Variants in CHRNA2 observed in about 807,000 individuals in gnomAD.
The protein encoded by CHRNA2 is cholinergic receptor nicotinic alpha 2 subunit.
CHRNA2 carries 40 observed loss-of-function variants against 45.5 expected under a neutral mutation model. The observed-to-expected ratio is 0.88, with a 90% CI of 0.68 to 1.15. CHRNA2 has a LOEUF of 1.15. Ranked by LOEUF, CHRNA2 falls within the 50% of genes most tolerant of loss-of-function variation. The probability of loss-of-function intolerance (pLI) is 0.00; values close to 1 mark genes in which losing one functional copy is unlikely to be tolerated. For synonymous variants in CHRNA2, 301 were observed against 296.7 expected (o/e 1.01, Z -0.15); for missense variants, 655 against 701.7 (o/e 0.93, Z 0.75).
At chr8:27,462,741 G>T (rs1231306252) in intron 6 of CHRNA2, among the ~76,000 whole-genome samples, 2 of 152,172 alleles carry the variant, frequency 1.3e-5, no homozygotes, top group Non-Finnish European at 2.9e-5. Context: ...TCCCTGTTAG[G>T]CTGAGCTGCT....
At chr8:27,465,720 C>T (rs1325928615) in intron 5 of CHRNA2, among the ~76,000 whole-genome samples, 1 of 152,114 alleles carries the variant, frequency 6.6e-6, no homozygotes, top group Non-Finnish European at 1.5e-5. Context: ...TGAGCCACCG[C>T]GCCCAGGCAA....
chr8:27,463,002 G>T lies in CHRNA2; in HGVS notation c.1441C>A (p.Arg481=). Residue 481 remains arginine (R), a synonymous_variant, in exon 6 of 7, where the codon CGG becomes AGG. Transcript: ENST00000407991. This position sits in a 1 kb window ranked among gnomAD's most constrained non-coding sequence, Gnocchi z 6.1. ...EGVHYIADHL[R]SEDADSSVKE... is the part of the protein sequence containing the mutation. ...ACCGAAGAGTCAGCATCCTCAGACC[G>T]CAGGTGGTCGGCAATGTAGTGCACA... The T allele has an allele frequency of 6.2e-7, 1 of 1,614,104 alleles. No individual in the cohort carries two copies. Among genetic ancestry groups the T allele is most frequent in the South Asian group, 1.1e-5 (1 of 91,090 alleles).
At chr8:27,462,947 C>A in intron 6 of CHRNA2, 32 bp downstream of exon 6, 6 of 1,613,714 alleles carry the variant, frequency 3.7e-6, no homozygotes, top group Non-Finnish European at 5.1e-6. Flanking sequence ...GTGGGGCCAC[C>A]CAGGCTGGCG....
Position 27,465,616 on chromosome 8 carries a change from A to G in CHRNA2, c.449+1613T>C, listed in dbSNP as rs2322587. Among the ~76,000 whole-genome samples the G allele has an allele frequency of 8.3e-3, 1,266 of 152,184 alleles. 17 individuals are homozygous for G. Among genetic ancestry groups the G allele is most frequent in the African/African-American group, 0.03 (1,226 of 41,502 alleles). On this transcript the variant is annotated intron_variant, in intron 5 of 6. Coordinates refer to ENST00000407991, the MANE Select transcript of CHRNA2 (RefSeq NM_000742.4). ...CGGCTAATTTTTGTATTTTTAGTAG[A>G]GACAGGGTTTCACCATGTTGGCCAG...
chr8:27,466,842 C>A (rs1026907611), intron 5 of CHRNA2, among the ~76,000 whole-genome samples: 2 of 152,170 alleles, frequency 1.3e-5, no homozygotes, highest in Non-Finnish European at 2.9e-5. Flanking sequence ...ACCAAGTGAG[C>A]ACATGCCCTT....
At chr8:27,469,648 C>T (rs568484025) in intron 3 of CHRNA2, 113 bp downstream of exon 3, 46 of 1,371,294 alleles carry the variant, frequency 3.4e-5, no homozygotes, top group Admixed American at 1.5e-4. Flanking sequence ...CAACCCCACC[C>T]CAAGTCACTG....
rs750022608 is a variant in CHRNA2 at position 27,466,085 on chromosome 8, G to A, written c.449+1144C>T. Reference sequence around the variant, plus strand: ...TGCCAGCTATGGGGCACAGAGATACGACAGGGTGGGGAGTTCATGAGTCCT... The same window carrying A: ...TGCCAGCTATGGGGCACAGAGATACAACAGGGTGGGGAGTTCATGAGTCCT... On this transcript the variant is annotated intron_variant, in intron 5 of 6. Transcript: ENST00000407991. Among the ~76,000 whole-genome samples the A allele has an allele frequency of 6.6e-5, 10 of 152,318 alleles. No homozygotes were observed. In the East Asian group the frequency reaches 1.4e-3, roughly 21 times the overall value.
Position 27,469,905 on chromosome 8 carries a change from C to T in CHRNA2, c.150G>A (p.Pro50=), listed in dbSNP as rs758848783. The T allele has an allele frequency of 3.7e-5, 59 of 1,614,026 alleles. No homozygotes were observed. Among genetic ancestry groups the T allele is most frequent in the East Asian group, 1.3e-4 (6 of 44,874 alleles). Residue 50 remains proline (P), a synonymous_variant, in exon 3 of 7, where the codon CCG becomes CCA. Coordinates refer to ENST00000407991, the MANE Select transcript of CHRNA2 (RefSeq NM_000742.4). The stretch of plus-strand genomic sequence containing the variant: ...CAGTCTCGGTATGCGAGCCTCCCTG[C>T]GGCAATGCCGTGGGACTGGGAGAGG... ...PLSSPSPTAL[P]QGGSHTETED...
chr8:27,468,058 A>G (rs972793335), intron 4 of CHRNA2, among the ~76,000 whole-genome samples: 1 of 152,136 alleles, frequency 6.6e-6, no homozygotes, highest in African/African-American at 2.4e-5. Context: ...TGGTACATTA[A>G]TCCTCCCAGG....
At chr8:27,473,805 C>T (rs895810392) in intron 1 of CHRNA2, among the ~76,000 whole-genome samples, 2 of 152,104 alleles carry the variant, frequency 1.3e-5, no homozygotes, top group Non-Finnish European at 2.9e-5. Context: ...CATTCTCATC[C>T]CCCCCGTCCA....
intron 1 of CHRNA2, among the ~76,000 whole-genome samples, chr8:27,478,052 C>G (rs562700449): frequency 5.5e-4 from 83 of 152,256 alleles, no homozygotes; most frequent in African/African-American, 1.9e-3. Context: ...CCCACCAGTC[C>G]ACATTCTCCT....
rs1812604081 is a variant in CHRNA2, at chr8:27,463,730, C to T, written c.713G>A (p.Gly238Asp). The T allele has an allele frequency of 6.2e-7, 1 of 1,613,944 alleles. No homozygotes were observed. The highest frequency in any genetic ancestry group is 8.5e-7 in the Non-Finnish European group (1 of 1,179,976). ...SGEWAIVNAT[G>D]TYNSKKYDCC... ...GTCGTACTTCTTGCTGTTGTAGGTG[C>T]CCGTGGCATTGACGATGGCCCACTC... The change falls in exon 6 of 7, where the codon GGC (glycine) becomes GAC (aspartate). Residue 238 changes from glycine to aspartate, a missense_variant. Gly to Asp is a moderately conservative substitution (Grantham distance 94, BLOSUM62 -1). Coordinates refer to ENST00000407991, the MANE Select transcript of CHRNA2 (RefSeq NM_000742.4). The surrounding 1 kb of genome is among the most constrained non-coding windows in gnomAD (Gnocchi z 6.1).
intron 1 of CHRNA2, among the ~76,000 whole-genome samples, chr8:27,476,332 A>G (rs1563327096): frequency 6.6e-6 from 1 of 152,200 alleles, no homozygotes; most frequent in Non-Finnish European, 1.5e-5. Flanking sequence ...TTGCTTCCAA[A>G]GCCATCCAGG....
rs769269500 is a variant in CHRNA2 at position 27,459,800 on chromosome 8, A to G, written c.*1829T>C. On this transcript the variant is annotated 3_prime_UTR_variant, in exon 7 of 7. Transcript: ENST00000407991. ...AGCTTTATTTAATCTCTTTATTCAC[A>G]TGCAAGATGGATGGGAGACATGGAT... The G allele has an allele frequency of 2.0e-5, 3 of 152,394 alleles. No individual in the cohort carries two copies. The East Asian group carries it at 5.8e-4, about 29-fold the overall frequency. 9.4% of individuals were successfully genotyped at this position (152,394 alleles called of 1,614,324 possible).
intron 1 of CHRNA2, among the ~76,000 whole-genome samples, chr8:27,478,316 C>T (rs1813123951): frequency 6.6e-6 from 1 of 152,190 alleles, no homozygotes; most frequent in South Asian, 2.1e-4. Flanking sequence ...AAGTTTAACA[C>T]TCAAGGTTGG....
intron 1 of CHRNA2, chr8:27,475,155 C>G (rs1156259822): frequency 6.6e-6 from 1 of 152,190 alleles, no homozygotes; most frequent in Non-Finnish European, 1.5e-5. Flanking sequence ...AAGCAGGCAG[C>G]AATACCTGTG....
intron 5 of CHRNA2, among the ~76,000 whole-genome samples, chr8:27,466,235 TA>T (rs761227401): frequency 2.1e-4 from 31 of 148,570 alleles, no homozygotes; most frequent in African/African-American, 2.5e-4. Flanking sequence ...CTGGACGGTG[TA>T]AAAAAAAAAA....
rs1389100486 is a variant in CHRNA2 at position 27,461,034 on chromosome 8, C to G, written c.*595G>C. ...CCCGCTTCCTCCCCTTCCAGAAGAG[C>G]CCTTATTACTCCCCTGCTGGACCAT... is the stretch of plus-strand genomic sequence containing the variant. On this transcript the variant is annotated 3_prime_UTR_variant, in exon 7 of 7. Coordinates refer to ENST00000407991, the MANE Select transcript of CHRNA2 (RefSeq NM_000742.4). 1 of 155,716 alleles carries G rather than the reference C, an allele frequency of 6.4e-6. No individual in the cohort carries two copies. Among genetic ancestry groups the G allele is most frequent in the Non-Finnish European group, 1.4e-5 (1 of 70,324 alleles). 9.6% of individuals were successfully genotyped at this position (155,716 alleles called of 1,614,324 possible).
chr8:27,477,089 C>T lies in CHRNA2; in HGVS notation c.-137+1735G>A, dbSNP rs912242679. 42 of 151,818 alleles carry T rather than the reference C, an allele frequency of 2.8e-4. 1 individual carries two copies. Among genetic ancestry groups the T allele is most frequent in the African/African-American group, 9.7e-4 (40 of 41,288 alleles). The allele number at this position is 151,818 out of a possible 1,614,324, so 9.4% of individuals were successfully genotyped here. ...AGATTCAAGCTAAGATCTTTAGCTT[C>T]GAAACTAGAATGCGATAAATTATAA... On this transcript the variant is annotated intron_variant, in intron 1 of 6. Transcript: ENST00000407991.
Sources: allele counts gnomAD v4.1 joint callset (sites outside exome capture counted in the v4.1 genomes callset), GRCh38; gene constraint gnomAD v4.1.1; non-coding constraint Gnocchi (gnomAD v3.1); transcripts MANE v1.5; gene names NCBI Gene and HGNC (gene_info 2026-07-23, HGNC 2026-07-21).